Variants in DNAH3 observed in about 807,000 individuals in gnomAD.
DNAH3 encodes the protein axonemal beta dynein heavy chain 3.
DNAH3 carries 332 observed loss-of-function variants against 432.5 expected under a neutral mutation model. That is an observed-to-expected ratio of 0.77 (90% CI 0.70 to 0.84). The LOEUF is 0.84. Among genes scored for constraint, DNAH3 ranks in the 40% least tolerant of loss-of-function variants. The pLI, the probability that DNAH3 is intolerant of heterozygous loss-of-function variation, is 0.00. For missense variants in DNAH3, 4,861 were observed against 5,114.0 expected, an observed-to-expected ratio of 0.95 and a Z score of 1.51; for synonymous variants, 1,956 against 1,900.2, an observed-to-expected ratio of 1.03 and a Z score of -0.76.
chr16:21,024,778 C>G lies in DNAH3; in HGVS notation c.5541-77G>C, dbSNP rs79604417. ...GGGTTAACATTTATTGAGCAATCTA[C>G]TGCATGTCAGGCACCATGCTAGGCA... is the stretch of plus-strand genomic sequence containing the variant. On this transcript the variant is annotated intron_variant, in intron 38 of 61. Coordinates refer to ENST00000261383, the Ensembl canonical transcript of DNAH3. The G allele has an allele frequency of 4.5e-6, 5 of 1,120,694 alleles. No individual in the cohort carries two copies. In the Admixed American group the frequency reaches 5.6e-5, roughly 13 times the overall value. 69.4% of individuals were successfully genotyped at this position (1,120,694 alleles called of 1,614,324 possible).
chr16:21,152,108 CCTGTAATCCCAGCTACTTGGGGGGCT>C (rs1367572418), intron 1 of DNAH3, among the ~76,000 whole-genome samples: 1 of 152,088 alleles, frequency 6.6e-6, no homozygotes, highest in Non-Finnish European at 1.5e-5. Context: ...GTGGTAGTCG[CCTGTAATCCCAGCTACTTGGGGGGCT>C]GAGGCAGGAG....
At chr16:21,064,936 T>A (rs911917935) in intron 24 of DNAH3, among the ~76,000 whole-genome samples, 2 of 151,400 alleles carry the variant, frequency 1.3e-5, no homozygotes, top group Admixed American at 1.3e-4. Flanking sequence ...TCAGAGAGGT[T>A]AAATGGCTGA....
At chr16:20,974,988 T>G (rs1473832407) in intron 51 of DNAH3, among the ~76,000 whole-genome samples, 8 of 40,122 alleles carry the variant, frequency 2.0e-4, no homozygotes, top group East Asian at 1.5e-3. Flanking sequence ...CTGGCTAGTT[T>G]TTTTTTTTTT....
exon 62 of DNAH3, chr16:20,933,134 C>T (rs755972380): frequency 6.3e-7 from 1 of 1,589,040 alleles, no homozygotes; most frequent in Non-Finnish European, 8.6e-7. Flanking sequence ...TTTTTATTTT[C>T]TGTCTTGAGA....
chr16:21,090,070 T>C (rs918768514), intron 18 of DNAH3, among the ~76,000 whole-genome samples: 2 of 136,500 alleles, frequency 1.5e-5, no homozygotes, highest in African/African-American at 5.5e-5. Context: ...ATTAGACCAT[T>C]TTTTTTTAAA....
intron 29 of DNAH3, among the ~76,000 whole-genome samples, chr16:21,051,256 G>A (rs926642253): frequency 3.9e-5 from 6 of 152,190 alleles, no homozygotes; most frequent in African/African-American, 1.2e-4. Context: ...GGACTTTGCT[G>A]AGCACAGAAT....
chr16:21,080,063 G>A (rs1425695579), intron 20 of DNAH3, among the ~76,000 whole-genome samples: 2 of 152,190 alleles, frequency 1.3e-5, no homozygotes, highest in African/African-American at 2.4e-5. Flanking sequence ...TTGGGAGGCC[G>A]AGGTGGGCAG....
intron 18 of DNAH3, among the ~76,000 whole-genome samples, chr16:21,096,554 C>T (rs1435399481): frequency 6.6e-6 from 1 of 152,198 alleles, no homozygotes; most frequent in East Asian, 1.9e-4. Flanking sequence ...AAATCTCTCT[C>T]CTAAAATCCA....
intron 16 of DNAH3, among the ~76,000 whole-genome samples, chr16:21,103,179 G>C (rs563780005): frequency 5.3e-5 from 8 of 152,030 alleles, no homozygotes; most frequent in Admixed American, 1.3e-4. Flanking sequence ...GGGTAGGAGG[G>C]GGGTGAGGGA....
At position 20,974,565 on chromosome 16, in the gene DNAH3, G is replaced by A. The variant is rs2085488000; in HGVS notation, c.8259+668C>T. Among the ~76,000 whole-genome samples the A allele has an allele frequency of 2.1e-5, 3 of 146,098 alleles. No homozygotes were observed. The South Asian group carries it at 6.5e-4, about 32-fold the overall frequency. Reference sequence around the variant, plus strand: ...ACTACATGGGTGTGCCACTACACCTGGCTGTTTTATAGTGTTTTTTTTTTT... The same window carrying A: ...ACTACATGGGTGTGCCACTACACCTAGCTGTTTTATAGTGTTTTTTTTTTT... On this transcript the variant is annotated intron_variant, in intron 51 of 61. Coordinates refer to ENST00000261383, the Ensembl canonical transcript of DNAH3.
intron 41 of DNAH3, among the ~76,000 whole-genome samples, chr16:21,017,307 C>T (rs1163632225): frequency 6.6e-6 from 1 of 152,044 alleles, no homozygotes; most frequent in African/African-American, 2.4e-5. Flanking sequence ...ATATCTTGGG[C>T]CCCCAAAATC....
intron 13 of DNAH3, 26 bp downstream of exon 13, chr16:21,111,965 GTA>G (rs761900337): frequency 3.8e-6 from 6 of 1,584,296 alleles, no homozygotes; most frequent in Non-Finnish European, 5.2e-6. Flanking sequence ...TGTCACCAAG[GTA>G]TAAAATCTCA....
At chr16:21,127,663 C>A in intron 8 of DNAH3, 24 bp downstream of exon 9, 1 of 1,613,352 alleles carries the variant, frequency 6.2e-7, no homozygotes, top group Non-Finnish European at 8.5e-7. Flanking sequence ...ATGGTGCAGC[C>A]CCACTTGGAG....
At chr16:21,086,257 T>C (rs569538903) in intron 19 of DNAH3, among the ~76,000 whole-genome samples, 1 of 152,326 alleles carries the variant, frequency 6.6e-6, no homozygotes, top group South Asian at 2.1e-4. Flanking sequence ...ACACCACACT[T>C]ATCACCCTCA....
Position 21,037,760 on chromosome 16 carries a change from C to T in DNAH3, c.4950+1G>A. 1 of 1,614,032 alleles carries T rather than the reference C, an allele frequency of 6.2e-7. No individual in the cohort carries two copies. The highest frequency in any genetic ancestry group is 8.5e-7 in the Non-Finnish European group (1 of 1,179,944). ...GGCCAAGGTCCTGAACCGCTACATA[C>T]CTGAAACAGAGGGACATCTTGCGCT... On this transcript the variant is annotated splice_donor_variant, in intron 34 of 61. Transcript: ENST00000261383. LOFTEE classifies it high-confidence loss of function.
exon 46 of DNAH3, chr16:20,987,766 T>C: frequency 6.2e-7 from 1 of 1,614,142 alleles, no homozygotes; most frequent in Non-Finnish European, 8.5e-7. Context: ...AAAGACGTAA[T>C]GTGACTTCGA....
chr16:20,998,533 G>A lies in DNAH3; in HGVS notation c.6422-1071C>T, dbSNP rs1007462603. On this transcript the variant is annotated intron_variant, in intron 43 of 61. Coordinates refer to ENST00000261383, the Ensembl canonical transcript of DNAH3. ...CTCCCAAAATGCTGGGATTACAGGC[G>A]TGAGCCACCACACCCAGCCTGAGCT... 1.3e-4 allele frequency among the ~76,000 whole-genome samples: 20 copies of A among 151,802 alleles called. No homozygotes were observed. In the East Asian group the frequency reaches 1.5e-3, roughly 12 times the overall value.
exon 50 of DNAH3, chr16:20,979,516 C>G: frequency 6.2e-7 from 1 of 1,614,120 alleles, no homozygotes; most frequent in South Asian, 1.1e-5. Context: ...TCTTGACGCT[C>G]TCTTGGAAAT....
chr16:21,122,061 T>G, exon 10 of DNAH3: 1 of 1,613,970 alleles, frequency 6.2e-7, no homozygotes, highest in Non-Finnish European at 8.5e-7. Context: ...TCAAGTTTGA[T>G]CATGATTAGC....
Sources: allele counts gnomAD v4.1 joint callset (sites outside exome capture counted in the v4.1 genomes callset), GRCh38; gene constraint gnomAD v4.1.1; transcripts MANE v1.5; gene names NCBI Gene and HGNC (gene_info 2026-07-23, HGNC 2026-07-21).